The following RBMS3 variants were observed in gnomAD, a reference collection of about 807,000 sequenced individuals.
RBMS3 encodes the protein RNA binding motif single stranded interacting protein 3.
RBMS3 carries 27 observed loss-of-function variants against 66.8 expected under a neutral mutation model. That is an observed-to-expected ratio of 0.40 (90% confidence interval 0.30 to 0.56). The LOEUF (loss-of-function observed/expected upper bound fraction) is 0.56, where lower values mean the gene tolerates loss of function less well. RBMS3 is among the 20% of genes least tolerant of loss of function. The probability of loss-of-function intolerance (pLI) is 0.40; values close to 1 mark genes in which losing one functional copy is unlikely to be tolerated. For missense variants in RBMS3, 513 were observed against 549.5 expected (o/e 0.93, Z 0.66); for synonymous variants, 188 against 183.0 (o/e 1.03, Z -0.22).
At chr3:29,376,664 T>C (rs112055487) in intron 1 of RBMS3, among the ~76,000 whole-genome samples, 16,799 of 152,100 alleles carry the variant, frequency 0.11, 1,170 homozygotes, top group Admixed American at 0.24. Flanking sequence ...TCCCAGCACT[T>C]TGGGAGGCCG....
intron 12 of RBMS3, among the ~76,000 whole-genome samples, chr3:29,986,854 A>G (rs1698424391): frequency 6.6e-6 from 1 of 152,128 alleles, no homozygotes; most frequent in African/African-American, 2.4e-5. Context: ...GAGGCATGAG[A>G]ATCGCTTGAA....
chr3:29,496,798 G>A (rs567755917), intron 3 of RBMS3, among the ~76,000 whole-genome samples: 48 of 152,284 alleles, frequency 3.2e-4, no homozygotes, highest in African/African-American at 1.1e-3. Flanking sequence ...ACAGCTACAC[G>A]TTTTTCAGCA....
At chr3:29,799,379 A>G (rs1425514323) in intron 6 of RBMS3, among the ~76,000 whole-genome samples, 10 of 152,176 alleles carry the variant, frequency 6.6e-5, no homozygotes, top group African/African-American at 2.4e-4. Context: ...TGCATGATGA[A>G]TAATCAAATA....
chr3:29,593,523 AC>A (rs112160067), intron 4 of RBMS3, among the ~76,000 whole-genome samples: 22,612 of 152,182 alleles, frequency 0.15, 1,928 homozygotes, highest in East Asian at 0.32. Context: ...TGGGTGGGAA[AC>A]AATCAATACT....
rs71295051 is a variant in RBMS3, at chr3:29,796,712, C to CTTTTTTTTTTTTTTTTTTTTTTTTT, written c.637+33740_637+33741insTTTTTTTTTTTTTTTTTTTTTTTTT. ...TGAGAAGTAATATTTTGAAAGGAAT[C>CTTTTTTTTTTTTTTTTTTTTTTTTT]TTTTTTTTTTTTTTTTTGGAGATGG... On this transcript the variant is annotated intron_variant, in intron 6 of 14. Coordinates refer to ENST00000383767, the MANE Select transcript of RBMS3 (RefSeq NM_001003793.3). 5.2e-5 allele frequency among the ~76,000 whole-genome samples: 6 copies of CTTTTTTTTTTTTTTTTTTTTTTTTT among 115,288 alleles called. 1 individual carries two copies. Among genetic ancestry groups the CTTTTTTTTTTTTTTTTTTTTTTTTT allele is most frequent in the African/African-American group, 2.2e-4 (6 of 27,122 alleles). 75.6% of individuals were successfully genotyped at this position (115,288 alleles called of 152,430 possible). A position where few individuals can be genotyped will look rare whatever the true frequency, so the allele number is the denominator to read the frequency against.
At chr3:29,850,686 G>C (rs959095724) in intron 6 of RBMS3, among the ~76,000 whole-genome samples, 1 of 152,134 alleles carries the variant, frequency 6.6e-6, no homozygotes, top group Non-Finnish European at 1.5e-5. Context: ...GTAGGGATTT[G>C]CTATCTTTAC....
At chr3:29,847,792 A>C (rs969300452) in intron 6 of RBMS3, among the ~76,000 whole-genome samples, 11 of 152,014 alleles carry the variant, frequency 7.2e-5, no homozygotes, top group Non-Finnish European at 1.5e-4. Flanking sequence ...AGTAGCTGGG[A>C]CTACAGGCGC....
chr3:29,864,629 T>C (rs577493023), intron 6 of RBMS3, among the ~76,000 whole-genome samples: 47 of 152,232 alleles, frequency 3.1e-4, no homozygotes, highest in African/African-American at 1.1e-3. Context: ...GGTTTCACAG[T>C]TGGGAACTGG....
At chr3:29,519,035 C>T (rs1279394931) in intron 3 of RBMS3, among the ~76,000 whole-genome samples, 1 of 152,076 alleles carries the variant, frequency 6.6e-6, no homozygotes, top group Admixed American at 6.6e-5. Flanking sequence ...AGTGTATTTT[C>T]GTGTTCCAAA....
At chr3:29,556,935 T>A (rs543531397) in intron 3 of RBMS3, among the ~76,000 whole-genome samples, 1 of 152,122 alleles carries the variant, frequency 6.6e-6, no homozygotes, top group African/African-American at 2.4e-5. Flanking sequence ...CTCTGAGGTA[T>A]GACGTACACT....
chr3:29,562,180 C>A (rs1304919554), intron 3 of RBMS3, among the ~76,000 whole-genome samples: 1 of 152,138 alleles, frequency 6.6e-6, no homozygotes, highest in Non-Finnish European at 1.5e-5. Flanking sequence ...AACAGCCAGA[C>A]ATATCCCAGG....
intron 6 of RBMS3, among the ~76,000 whole-genome samples, chr3:29,790,576 A>G (rs1434184755): frequency 6.6e-6 from 1 of 152,164 alleles, no homozygotes; most frequent in Non-Finnish European, 1.5e-5. Flanking sequence ...GACTAAGCCT[A>G]CATAGATGTC....
chr3:29,848,511 G>T (rs192890915), intron 6 of RBMS3, among the ~76,000 whole-genome samples: 2 of 152,180 alleles, frequency 1.3e-5, no homozygotes, highest in African/African-American at 4.8e-5. Context: ...AAGTCCAGGG[G>T]GTTAAACAAT....
At chr3:29,496,195 C>CAAAAA (rs60639896) in intron 3 of RBMS3, among the ~76,000 whole-genome samples, 9 of 110,466 alleles carry the variant, frequency 8.1e-5, no homozygotes, top group Non-Finnish European at 1.2e-4. Context: ...CCGCCCACAT[C>CAAAAA]AAAAAAAAAA....
At chr3:29,879,704 G>A (rs1001001767) in intron 7 of RBMS3, among the ~76,000 whole-genome samples, 10 of 151,974 alleles carry the variant, frequency 6.6e-5, no homozygotes, top group African/African-American at 2.2e-4. Flanking sequence ...TATTTGTCCA[G>A]GAACTTCAGT....
intron 1 of RBMS3, among the ~76,000 whole-genome samples, chr3:29,383,763 T>G (rs933049746): frequency 6.6e-6 from 1 of 152,176 alleles, no homozygotes; most frequent in Non-Finnish European, 1.5e-5. Context: ...AGGTTCAAAT[T>G]TTTGCTCTTC....
At chr3:29,667,813 A>G (rs1012885119) in intron 4 of RBMS3, among the ~76,000 whole-genome samples, 7 of 152,164 alleles carry the variant, frequency 4.6e-5, no homozygotes, top group African/African-American at 1.7e-4. Flanking sequence ...AAAGAGTTTA[A>G]GTTTAATATA....
intron 6 of RBMS3, among the ~76,000 whole-genome samples, chr3:29,867,563 C>T (rs1042096000): frequency 2.0e-5 from 3 of 147,702 alleles, no homozygotes; most frequent in African/African-American, 7.5e-5. Flanking sequence ...ATTCGCATCT[C>T]ATCCTCCAGC....
intron 1 of RBMS3, among the ~76,000 whole-genome samples, chr3:29,402,240 A>G (rs2039843719): frequency 6.6e-6 from 1 of 152,094 alleles, no homozygotes; most frequent in African/African-American, 2.4e-5. Context: ...CATTATTCTA[A>G]TGAAGAAAAA....
Sources: gnomAD v4.1 joint callset for allele counts (sites outside exome capture counted in the v4.1 genomes callset) on GRCh38, gnomAD v4.1.1 for gene constraint, MANE v1.5 for transcripts, NCBI Gene and HGNC (gene_info 2026-07-23, HGNC 2026-07-21) for gene names.